The following TNRC18 variants were observed in gnomAD, a reference collection of about 807,000 sequenced individuals.
TNRC18 encodes the protein trinucleotide repeat containing 18, also known as trinucleotide repeat-containing gene 18 protein.
Under a neutral mutation model 226.7 loss-of-function variants are expected in TNRC18, and 69 were observed. That is an observed-to-expected ratio of 0.30 (90% CI 0.25 to 0.37). The LOEUF is 0.37. TNRC18 is among the 10% of genes least tolerant of loss of function. The pLI, the probability that TNRC18 is intolerant of heterozygous loss-of-function variation, is 1.00. For missense variants in TNRC18, 4,754 were observed against 4,256.6 expected, an observed-to-expected ratio of 1.12 and a Z score of -3.25; for synonymous variants, 2,449 against 1,927.6, an observed-to-expected ratio of 1.27 and a Z score of -7.09.
intron 2 of TNRC18, among the ~76,000 whole-genome samples, chr7:5,416,954 C>G (rs1013042614): frequency 6.8e-6 from 1 of 146,830 alleles, no homozygotes; most frequent in African/African-American, 2.5e-5. Flanking sequence ...CTGCACTCAT[C>G]CTGGTTGACA....
Position 5,307,991 on chromosome 7 carries a change from C to A in TNRC18, c.*115G>T, listed in dbSNP as rs955630509. 2.1e-6 allele frequency: 2 copies of A among 972,132 alleles called. No individual in the cohort carries two copies. Among genetic ancestry groups the A allele is most frequent in the Non-Finnish European group, 3.0e-6 (2 of 657,118 alleles). 60.2% of individuals were successfully genotyped at this position (972,132 alleles called of 1,614,324 possible). On this transcript the variant is annotated 3_prime_UTR_variant, in exon 30 of 30. Coordinates refer to ENST00000430969, the MANE Select transcript of TNRC18 (RefSeq NM_001080495.3). ...ACGTGCACACCTGGCCCCATGCACA[C>A]GCCTGCAGGAGCGCTCGCATGCACA...
rs1417218708 is a variant in TNRC18 at position 5,309,770 on chromosome 7, T to G, written c.8389-402A>C. 1.3e-5 allele frequency among the ~76,000 whole-genome samples: 2 copies of G among 152,108 alleles called. No homozygotes were observed. The highest frequency in any genetic ancestry group is 2.9e-5 in the Non-Finnish European group (2 of 68,032). On this transcript the variant is annotated intron_variant, in intron 27 of 29. Transcript: ENST00000430969. This position sits in a 1 kb window ranked among gnomAD's most constrained non-coding sequence, Gnocchi z 5.7. ...AGGCGCACACCACGCCCGGCTAATT[T>G]TGATTATTTTTGTAGAGAACAAGGT...
At chr7:5,378,687 G>A (rs1779179577) in intron 5 of TNRC18, among the ~76,000 whole-genome samples, 6 of 151,704 alleles carry the variant, frequency 4.0e-5, no homozygotes, top group Admixed American at 3.9e-4. Context: ...CAGAGTGCTG[G>A]GATTACAGGC....
intron 16 of TNRC18, among the ~76,000 whole-genome samples, chr7:5,355,713 T>C (rs1056810740): frequency 1.4e-4 from 21 of 152,082 alleles, no homozygotes; most frequent in Admixed American, 5.2e-4. Context: ...ACCCTGTCTC[T>C]ACAAAAAATT....
intron 3 of TNRC18, among the ~76,000 whole-genome samples, chr7:5,391,775 T>C (rs1335246623): frequency 2.0e-5 from 3 of 149,064 alleles, no homozygotes; most frequent in Non-Finnish European, 4.5e-5. Context: ...TGGGGGAGGA[T>C]TGCTTGAGCC....
chr7:5,418,472 T>G (rs1203687007), intron 2 of TNRC18, among the ~76,000 whole-genome samples: 1 of 152,094 alleles, frequency 6.6e-6, no homozygotes, highest in Non-Finnish European at 1.5e-5. Context: ...CCGGGGATCT[T>G]TCTCCGAGGG....
chr7:5,348,900 G>T (rs928271299), intron 17 of TNRC18, among the ~76,000 whole-genome samples: 1 of 150,256 alleles, frequency 6.7e-6, no homozygotes, highest in African/African-American at 2.5e-5. Context: ...TTTCAACAGC[G>T]CCTGGGTCCC....
chr7:5,377,635 G>GA lies in TNRC18; in HGVS notation c.2256-60dup. The GA allele has an allele frequency of 6.6e-7, 1 of 1,504,520 alleles. No homozygotes were observed. The highest frequency in any genetic ancestry group is 9.0e-7 in the Non-Finnish European group (1 of 1,111,508). 93.2% of individuals were successfully genotyped at this position (1,504,520 alleles called of 1,614,324 possible). On this transcript the variant is annotated intron_variant, in intron 6 of 29. Coordinates refer to ENST00000430969, the MANE Select transcript of TNRC18 (RefSeq NM_001080495.3). The surrounding 1 kb of genome is among the most constrained non-coding windows in gnomAD (Gnocchi z 5.8). ...CGGACAGCCCAGGGGACGAGAGGGA[G>GA]AAGCGGGGTTGCCCCAAGGAACTGT... is the stretch of plus-strand genomic sequence containing the variant.
intron 18 of TNRC18, among the ~76,000 whole-genome samples, chr7:5,337,968 G>C (rs576936955): frequency 6.6e-6 from 1 of 152,248 alleles, no homozygotes; most frequent in South Asian, 2.1e-4. Flanking sequence ...GGGCGACAGA[G>C]TGAGACTCCA....
intron 2 of TNRC18, among the ~76,000 whole-genome samples, chr7:5,402,321 G>A (rs544419030): frequency 6.6e-6 from 1 of 151,722 alleles, no homozygotes; most frequent in African/African-American, 2.4e-5. Flanking sequence ...ATCACTTGAG[G>A]TCAGGAGTTT....
chr7:5,353,151 C>G (rs1183034717), intron 16 of TNRC18, among the ~76,000 whole-genome samples: 1 of 152,232 alleles, frequency 6.6e-6, no homozygotes. Context: ...TCAAAGTGCG[C>G]TCTCTCTTGT....
rs1306442733 is a variant in TNRC18 at position 5,351,916 on chromosome 7, C to T, written c.5373G>A (p.Lys1791=). The change falls in exon 17 of 30, where the codon AAG becomes AAA. Residue 1791 remains lysine (K), a synonymous_variant. Coordinates refer to ENST00000430969, the MANE Select transcript of TNRC18 (RefSeq NM_001080495.3). The part of the protein sequence containing the change: ...GLAAPRTLKP[K]PATSRKQPFC... Reference sequence around the variant, plus strand: ...ACGGCTGCTTCCTGCTGGTGGCCGGCTTGGGTTTCAGAGTCCGGGGGGCCG... The same window carrying T: ...ACGGCTGCTTCCTGCTGGTGGCCGGTTTGGGTTTCAGAGTCCGGGGGGCCG... 6.2e-7 allele frequency: 1 copy of T among 1,613,740 alleles called. No homozygotes were observed. Among genetic ancestry groups the T allele is most frequent in the African/African-American group, 1.3e-5 (1 of 75,060 alleles).
intron 27 of TNRC18, among the ~76,000 whole-genome samples, chr7:5,311,853 C>T (rs573747095): frequency 1.3e-5 from 2 of 151,678 alleles, no homozygotes; most frequent in Non-Finnish European, 2.9e-5. Flanking sequence ...AAAGAAAAAG[C>T]CAGGCGTGGT....
chr7:5,389,056 C>A lies in TNRC18; in HGVS notation c.768G>T (p.Pro256=). The change falls in exon 5 of 30, where the codon CCG becomes CCT. Residue 256 remains proline (P), a synonymous_variant. Transcript: ENST00000430969. ...RAEGRQDRGP[P]RLAERLSPFL... ...AGGGCGACAGGCGCTCAGCCAGGCG[C>A]GGGGGCCCCCGGTCCTGGCGGCCCT... 7.8e-7 allele frequency: 1 copy of A among 1,282,266 alleles called. No homozygotes were observed. Among genetic ancestry groups the A allele is most frequent in the Non-Finnish European group, 9.9e-7 (1 of 1,005,840 alleles). 79.4% of individuals were successfully genotyped at this position (1,282,266 alleles called of 1,614,324 possible).
At chr7:5,419,982 ATT>A (rs79807986) in intron 2 of TNRC18, 100 of 152,180 alleles carry the variant, frequency 6.6e-4, no homozygotes, top group South Asian at 2.0e-3. Flanking sequence ...CAGGAGGTGG[ATT>A]TTTTTTTTTT....
chr7:5,388,116 C>A lies in TNRC18; in HGVS notation c.1708G>T (p.Ala570Ser). 6.4e-7 allele frequency: 1 copy of A among 1,553,186 alleles called. No homozygotes were observed. The highest frequency in any genetic ancestry group is 2.4e-5 in the East Asian group (1 of 41,192). ...RSAATCGRPV[A>S]DMHSAAHGSG... ...CCGTGGGCCGCAGAGTGCATGTCAG[C>A]GACCGGCCGGCCGCAGGTGGCCGCC... Residue 570 changes from alanine (A) to serine (S), a missense_variant, in exon 5 of 30, where the codon GCT becomes TCT. By Grantham distance (99) the Ala-to-Ser change is moderately conservative. Transcript: ENST00000430969.
At chr7:5,346,952 G>A (rs1791255760) in intron 17 of TNRC18, among the ~76,000 whole-genome samples, 1 of 152,164 alleles carries the variant, frequency 6.6e-6, no homozygotes, top group African/African-American at 2.4e-5. Context: ...TCACTCATGG[G>A]ATGCCCAGGA....
rs1562539001 is a variant in TNRC18 at position 5,356,823 on chromosome 7, T to TGG, written c.5194+92_5194+93insCC. 3.0e-5 allele frequency: 38 copies of TGG among 1,261,250 alleles called. No homozygotes were observed. In the African/African-American group the frequency reaches 8.5e-4, roughly 28 times the overall value. 78.1% of individuals were successfully genotyped at this position (1,261,250 alleles called of 1,614,324 possible). A position where few individuals can be genotyped will look rare whatever the true frequency, so the allele number is the denominator to read the frequency against. ...GAGAGAGCGAGAGCGAGAGAGAGAG[T>TGG]GAGGGGCGGGGGGGGAAGGAGGACG... On this transcript the variant is annotated intron_variant, in intron 16 of 29. Coordinates refer to ENST00000430969, the MANE Select transcript of TNRC18 (RefSeq NM_001080495.3).
At chr7:5,390,846 G>C (rs951468419) in intron 3 of TNRC18, among the ~76,000 whole-genome samples, 1 of 151,926 alleles carries the variant, frequency 6.6e-6, no homozygotes, top group African/African-American at 2.4e-5. Flanking sequence ...GGGGTCTCCA[G>C]TCCCCCCCAG....
Sources: gnomAD v4.1 joint callset for allele counts (sites outside exome capture counted in the v4.1 genomes callset) on GRCh38, gnomAD v4.1.1 for gene constraint, Gnocchi (gnomAD v3.1) non-coding constraint, MANE v1.5 for transcripts, NCBI Gene and HGNC (gene_info 2026-07-23, HGNC 2026-07-21) for gene names.